HUWE1: variants seen among roughly 807,000 people sequenced by gnomAD.
The protein encoded by HUWE1 is E3 ubiquitin-protein ligase HUWE1.
HUWE1 carries 18 observed loss-of-function variants against 299.4 expected under a neutral mutation model. The ratio of observed to expected loss-of-function variants is 0.06; its 90% CI spans 0.04 to 0.09. HUWE1 has a LOEUF of 0.09. Among genes scored for constraint, HUWE1 ranks in the 10% least tolerant of loss-of-function variants. HUWE1 has a pLI of 1.00. For synonymous variants in HUWE1, 1,317 were observed against 1,286.1 expected (o/e 1.02, Z -0.51); for missense variants, 1,832 against 3,462.3 (o/e 0.53, Z 11.82).
At chrX:53,619,577 C>A (rs1171494640) in intron 19 of HUWE1, among the ~76,000 whole-genome samples, 5 of 33,004 alleles carry the variant, frequency 1.5e-4, no homozygotes, top group Admixed American at 4.2e-4. Context: ...TAAAAGGAAT[C>A]AGAGAAATAG....
chrX:53,634,579 T>C (rs1303637327), intron 7 of HUWE1, among the ~76,000 whole-genome samples: 1 of 112,463 alleles, frequency 8.9e-6, no homozygotes, highest in Non-Finnish European at 1.9e-5. Flanking sequence ...TCAATTTCAC[T>C]GTTCAGTGAG....
chrX:53,579,426 C>T (rs2148193776), intron 43 of HUWE1, among the ~76,000 whole-genome samples: 1 of 111,820 alleles, frequency 8.9e-6, no homozygotes, highest in East Asian at 2.9e-4. Context: ...TCTGCCCGGC[C>T]ACGACCCCGT....
At position 53,533,755 on chromosome X, in the gene HUWE1, C is replaced by A. The variant is rs2060874118; in HGVS notation, c.13022+252G>T. The A allele has an allele frequency of 1.1e-5, 5 of 448,371 alleles. No individual in the cohort carries two copies. In the East Asian group the frequency reaches 1.9e-4, roughly 17 times the overall value. The allele number at this position is 448,371 out of a possible 1,213,427, so 37.0% of individuals were successfully genotyped here. On this transcript the variant is annotated intron_variant, in intron 83 of 83. Coordinates refer to ENST00000262854, the MANE Select transcript of HUWE1 (RefSeq NM_031407.7). The stretch of plus-strand genomic sequence containing the variant: ...TTGCTCCCTGCAACTCCTCCTTGCT[C>A]CAGTCACGCTGGCCCTGGAATACAC...
At chrX:53,584,625 T>C (rs1460621576) in intron 40 of HUWE1, among the ~76,000 whole-genome samples, 1 of 111,594 alleles carries the variant, frequency 9.0e-6, no homozygotes, top group Non-Finnish European at 1.9e-5. Flanking sequence ...CTAAGAGGGA[T>C]AGTATCAAAT....
chrX:53,664,971 T>C (rs903863264), intron 3 of HUWE1, among the ~76,000 whole-genome samples: 2 of 112,118 alleles, frequency 1.8e-5, no homozygotes, highest in Admixed American at 1.9e-4. Context: ...CATAAAAAAA[T>C]AGCTAACACT....
At chrX:53,548,909 C>T in intron 67 of HUWE1, 50 bp downstream of exon 67, 2 of 1,090,818 alleles carry the variant, frequency 1.8e-6, no homozygotes, top group Non-Finnish European at 2.5e-6. Flanking sequence ...CACCCAGGCT[C>T]TTGCTGCCAC....
intron 3 of HUWE1, among the ~76,000 whole-genome samples, chrX:53,654,538 A>G (rs782788738): frequency 2.7e-5 from 3 of 112,107 alleles, no homozygotes; most frequent in Non-Finnish European, 5.6e-5. Flanking sequence ...AAAGATGTAC[A>G]CAAATATTTA....
chrX:53,593,825 G>A (rs1556981877), intron 31 of HUWE1, among the ~76,000 whole-genome samples: 2 of 112,065 alleles, frequency 1.8e-5, no homozygotes, highest in African/African-American at 6.5e-5. Flanking sequence ...CCAGCTGGGC[G>A]CGGTGGCTCA....
chrX:53,653,801 C>A (rs1557041555), intron 4 of HUWE1, among the ~76,000 whole-genome samples: 1 of 112,261 alleles, frequency 8.9e-6, no homozygotes, highest in African/African-American at 3.2e-5. Context: ...AATTGCACAG[C>A]AGCCTGAGAG....
At chrX:53,542,046 G>C (rs2061367396) in intron 74 of HUWE1, among the ~76,000 whole-genome samples, 1 of 110,887 alleles carries the variant, frequency 9.0e-6, no homozygotes, top group Non-Finnish European at 1.9e-5. Flanking sequence ...AGCCAGGTGT[G>C]GTGGTGGGCG....
At chrX:53,575,301 A>C in intron 45 of HUWE1, 80 bp from the exon 46 acceptor site, 1 of 733,938 alleles carries the variant, frequency 1.4e-6, no homozygotes, top group East Asian at 3.4e-5. Context: ...TTCCCAGGGC[A>C]CTGGCTGGGA....
At chrX:53,629,439 CA>C in intron 13 of HUWE1, 76 bp downstream of exon 13, 3 of 684,397 alleles carry the variant, frequency 4.4e-6, no homozygotes, top group South Asian at 2.2e-5. Context: ...CCTCCCCCCC[CA>C]AAAAAGTCTC....
At position 53,640,130 on chromosome X, in the gene HUWE1, G is replaced by A. The variant is rs376018728; in HGVS notation, c.504+5181C>T. 4.4e-5 allele frequency among the ~76,000 whole-genome samples: 5 copies of A among 112,792 alleles called. No homozygotes were observed. In the South Asian group the frequency reaches 1.8e-3, roughly 41 times the overall value. On this transcript the variant is annotated intron_variant, in intron 7 of 83. Coordinates refer to ENST00000262854, the MANE Select transcript of HUWE1 (RefSeq NM_031407.7). Reference sequence around the variant, plus strand: ...TCCCAGCACTTTGGGAGGCCAAGGCGAGTGGATCGCCTGAGCTCAGGAGTT... The same window carrying A: ...TCCCAGCACTTTGGGAGGCCAAGGCAAGTGGATCGCCTGAGCTCAGGAGTT...
intron 9 of HUWE1, 166 bp from the exon 10 acceptor site, chrX:53,631,780 CCAT>C: frequency 6.6e-6 from 3 of 456,225 alleles, no homozygotes; most frequent in Non-Finnish European, 1.1e-5. Flanking sequence ...TCCAAAACAT[CCAT>C]CTTATATGTA....
intron 54 of HUWE1, 90 bp downstream of exon 54, chrX:53,562,021 A>C (rs1430119365): frequency 3.3e-6 from 4 of 1,208,999 alleles, no homozygotes; most frequent in Non-Finnish European, 4.5e-6. Flanking sequence ...GGAGACGCTG[A>C]GGCTAGCAAC....
intron 63 of HUWE1, 61 bp downstream of exon 63, chrX:53,552,250 T>A: frequency 8.4e-7 from 1 of 1,188,346 alleles, no homozygotes; most frequent in Non-Finnish European, 1.1e-6. Context: ...GGCATTTCCA[T>A]GCCAAGGGCT....
chrX:53,611,980 T>C (rs1446180679), intron 23 of HUWE1, among the ~76,000 whole-genome samples: 2 of 111,783 alleles, frequency 1.8e-5, no homozygotes, highest in Non-Finnish European at 3.8e-5. Context: ...ACTATGGATA[T>C]GGAGGAAGGG....
intron 33 of HUWE1, among the ~76,000 whole-genome samples, chrX:53,591,841 T>G (rs1273715117): frequency 9.0e-6 from 1 of 111,695 alleles, no homozygotes; most frequent in African/African-American, 3.3e-5. Context: ...CAAGTGTATA[T>G]AGTAGACAGA....
intron 23 of HUWE1, among the ~76,000 whole-genome samples, chrX:53,610,254 A>T (rs2065375830): frequency 8.9e-6 from 1 of 112,026 alleles, no homozygotes; most frequent in African/African-American, 3.2e-5. Context: ...TAAGTAGTAA[A>T]ATCAAATGAG....
Sources: gnomAD v4.1 joint callset for allele counts (sites outside exome capture counted in the v4.1 genomes callset) on GRCh38, gnomAD v4.1.1 for gene constraint, MANE v1.5 for transcripts, NCBI Gene and HGNC (gene_info 2026-07-23, HGNC 2026-07-21) for gene names.